Variants in RADIL observed in about 807,000 individuals in gnomAD.
RADIL encodes Rap associating with DIL domain, also known as ras-associating and dilute domain-containing protein.
RADIL carries 99 observed loss-of-function variants against 97.6 expected under a neutral mutation model. That is an observed-to-expected ratio of 1.01 (90% CI 0.86 to 1.20). The LOEUF (loss-of-function observed/expected upper bound fraction) is 1.20, where lower values mean the gene tolerates loss of function less well. RADIL is among the 50% of genes most tolerant of loss of function. The pLI, the probability that RADIL is intolerant of heterozygous loss-of-function variation, is 0.00. For synonymous variants in RADIL, 803 were observed against 691.8 expected, an observed-to-expected ratio of 1.16 and a Z score of -2.52; for missense variants, 1,765 against 1,498.9, an observed-to-expected ratio of 1.18 and a Z score of -2.93.
chr7:4,825,956 T>C (rs1388793067), intron 5 of RADIL, among the ~76,000 whole-genome samples: 1 of 147,268 alleles, frequency 6.8e-6, no homozygotes, highest in Non-Finnish European at 1.5e-5. Context: ...AAAGGTGCTC[T>C]TTGGGGCCAG....
At position 4,816,351 on chromosome 7, in the gene RADIL, C is replaced by T; in HGVS notation, c.1843G>A (p.Val615Met). 1.2e-6 allele frequency: 2 copies of T among 1,612,172 alleles called. No homozygotes were observed. The highest frequency in any genetic ancestry group is 1.1e-5 in the South Asian group (1 of 90,982). Residue 615 changes from valine to methionine, a missense_variant, in exon 8 of 15, where the codon GTG (valine) becomes ATG (methionine). Physicochemically the swap from Val to Met is conservative, Grantham distance 21 (BLOSUM62 1). Transcript: ENST00000399583. The stretch of plus-strand genomic sequence containing the variant: ...AGGAGGTCCAGGGCTGCCTGGTACA[C>T]AGACACCACGCGGCGCAGCTCCTCG... Reference protein sequence around the residue: ...LPEELRRVVSVYQAALDLLRQ... With the variant: ...LPEELRRVVSMYQAALDLLRQ...
rs1184839953 is a variant in RADIL, at chr7:4,821,672, A to G, written c.1615+722T>C. Reference sequence around the variant, plus strand: ...GGAGTTTGAGACCAGCCTGGCAAACATGGTGAAACCCCATCTCTACCAAAA... The same window carrying G: ...GGAGTTTGAGACCAGCCTGGCAAACGTGGTGAAACCCCATCTCTACCAAAA... On this transcript the variant is annotated intron_variant, in intron 6 of 14. Coordinates refer to ENST00000399583, the MANE Select transcript of RADIL (RefSeq NM_018059.5). The surrounding 1 kb of genome is among the most constrained non-coding windows in gnomAD (Gnocchi z 5.2). 6.6e-6 allele frequency among the ~76,000 whole-genome samples: 1 copy of G among 152,092 alleles called. No individual in the cohort carries two copies. Among genetic ancestry groups the G allele is most frequent in the Non-Finnish European group, 1.5e-5 (1 of 68,018 alleles).
In RADIL at chr7:4,854,770, G is replaced by GCATTTGTAACTTAGACTAATAA. The variant is rs1259899508; in HGVS notation, c.536-18187_536-18166dup. Among the ~76,000 whole-genome samples, 1 of 152,122 alleles carries GCATTTGTAACTTAGACTAATAA rather than the reference G, an allele frequency of 6.6e-6. No individual in the cohort carries two copies. The highest frequency in any genetic ancestry group is 1.5e-5 in the Non-Finnish European group (1 of 68,022). ...TTAATTATATTTCACACATATGAAA[G>GCATTTGTAACTTAGACTAATAA]CATTTGTAACTTAGACTAATAACAA... On this transcript the variant is annotated intron_variant, in intron 2 of 14. Transcript: ENST00000399583. The surrounding 1 kb of genome is among the most constrained non-coding windows in gnomAD (Gnocchi z 5.1).
At chr7:4,812,021 T>C (rs1782561853) in intron 9 of RADIL, among the ~76,000 whole-genome samples, 1 of 151,772 alleles carries the variant, frequency 6.6e-6, no homozygotes, top group Admixed American at 6.6e-5. Context: ...ACCACGGGCA[T>C]GCATCACCAT....
chr7:4,838,183 G>A, intron 2 of RADIL: 2 of 408,808 alleles, frequency 4.9e-6, no homozygotes, highest in Non-Finnish European at 6.6e-6. Context: ...CAGGCGGCAG[G>A]TGCCCAGCAG....
chr7:4,826,979 C>T (rs531934264), intron 5 of RADIL, among the ~76,000 whole-genome samples: 75 of 152,136 alleles, frequency 4.9e-4, no homozygotes, highest in South Asian at 1.2e-3. Context: ...GTTCCATGGA[C>T]GGGCATGGAA....
chr7:4,803,982 G>A lies in RADIL; in HGVS notation c.2291-228C>T, dbSNP rs1424542911. The A allele has an allele frequency of 1.4e-5, 9 of 622,544 alleles. 1 individual carries two copies. The highest frequency in any genetic ancestry group is 1.4e-4 in the South Asian group (8 of 58,050). The allele number at this position is 622,544 out of a possible 1,614,324, so 38.6% of individuals were successfully genotyped here. On this transcript the variant is annotated intron_variant, in intron 10 of 14. Coordinates refer to ENST00000399583, the MANE Select transcript of RADIL (RefSeq NM_018059.5). Reference sequence around the variant, plus strand: ...CCGGTGTGACATCCGAGCAGTTCAGGACTGAGAACAAGGCCTTGTAGCCAG... The same window carrying A: ...CCGGTGTGACATCCGAGCAGTTCAGAACTGAGAACAAGGCCTTGTAGCCAG...
intron 2 of RADIL, among the ~76,000 whole-genome samples, chr7:4,869,597 T>C (rs758351059): frequency 6.6e-6 from 1 of 152,100 alleles, no homozygotes; most frequent in Admixed American, 6.5e-5. Flanking sequence ...ACAAAATTCT[T>C]TCCCCAGGAT....
At chr7:4,811,479 C>CTTTTTTTT (rs35136302) in intron 9 of RADIL, among the ~76,000 whole-genome samples, 6 of 59,052 alleles carry the variant, frequency 1.0e-4, no homozygotes, top group Admixed American at 2.8e-4. Flanking sequence ...GGTATTATTT[C>CTTTTTTTT]TTTTTTTTTT....
At chr7:4,809,093 C>G (rs932154278) in intron 9 of RADIL, 2 of 984,276 alleles carry the variant, frequency 2.0e-6, no homozygotes, top group Non-Finnish European at 2.4e-6. Context: ...TGTAGACGCT[C>G]TGCTCAGGAT....
intron 2 of RADIL, among the ~76,000 whole-genome samples, chr7:4,866,616 G>C (rs565056290): frequency 1.8e-4 from 27 of 152,328 alleles, no homozygotes; most frequent in African/African-American, 6.5e-4. Flanking sequence ...GACAGCTACA[G>C]AGTTTCTATG....
At chr7:4,852,384 C>T (rs1041053331) in intron 2 of RADIL, among the ~76,000 whole-genome samples, 2 of 152,202 alleles carry the variant, frequency 1.3e-5, no homozygotes, top group South Asian at 2.1e-4. Flanking sequence ...ATTTGCCTCA[C>T]TAGAGTTCAA....
At chr7:4,853,499 T>C (rs1783756823) in intron 2 of RADIL, among the ~76,000 whole-genome samples, 1 of 152,032 alleles carries the variant, frequency 6.6e-6, no homozygotes, top group Admixed American at 6.6e-5. Context: ...TCCCAGCACT[T>C]TGGGAGGCCA....
At chr7:4,804,241 G>A (rs113370916) in intron 10 of RADIL, among the ~76,000 whole-genome samples, 17 of 152,344 alleles carry the variant, frequency 1.1e-4, no homozygotes, top group Admixed American at 3.3e-4. Flanking sequence ...GGAAGAGTGC[G>A]TGCATACTGA....
intron 5 of RADIL, among the ~76,000 whole-genome samples, chr7:4,823,719 C>T (rs553786518): frequency 1.3e-5 from 2 of 152,358 alleles, no homozygotes; most frequent in South Asian, 4.1e-4. Flanking sequence ...CTTTCTCCCA[C>T]ATCTCTGGCA....
chr7:4,815,495 G>A lies in RADIL; in HGVS notation c.1967-45C>T. 6.9e-7 allele frequency: 1 copy of A among 1,451,578 alleles called. No individual in the cohort carries two copies. Among genetic ancestry groups the A allele is most frequent in the Non-Finnish European group, 9.1e-7 (1 of 1,096,494 alleles). 89.9% of individuals were successfully genotyped at this position (1,451,578 alleles called of 1,614,324 possible). A position where few individuals can be genotyped will look rare whatever the true frequency, so the allele number is the denominator to read the frequency against. On this transcript the variant is annotated intron_variant, in intron 8 of 14. Transcript: ENST00000399583. This position sits in a 1 kb window ranked among gnomAD's most constrained non-coding sequence, Gnocchi z 8.0. ...GGGTGATGCCTGGGCTGCCCTCCTG[G>A]GGGGACACAGACATGGGCCTGTCCC...
In RADIL at chr7:4,834,201, G is replaced by A. The variant is rs970208053; in HGVS notation, c.1416+406C>T. On this transcript the variant is annotated intron_variant, in intron 4 of 14. Transcript: ENST00000399583. The surrounding 1 kb of genome is among the most constrained non-coding windows in gnomAD (Gnocchi z 6.0). ...AGCACAGGGCGCCGGCACACACAGG[G>A]GCTTCTGGGGCTCTTGGGCAGGGGC... 3.9e-5 allele frequency among the ~76,000 whole-genome samples: 6 copies of A among 152,200 alleles called. No homozygotes were observed. Among genetic ancestry groups the A allele is most frequent in the Non-Finnish European group, 7.3e-5 (5 of 68,036 alleles).
chr7:4,803,855 G>A (rs925281476), intron 10 of RADIL, 101 bp from the exon 11 acceptor site: 3 of 1,072,060 alleles, frequency 2.8e-6, no homozygotes, highest in Non-Finnish European at 4.2e-6. Flanking sequence ...CCAGCAGATT[G>A]AGCCCTGAGT....
rs1440603454 is a variant in RADIL at position 4,814,021 on chromosome 7, C to A, written c.2139+1257G>T. Among the ~76,000 whole-genome samples the A allele has an allele frequency of 1.3e-5, 2 of 152,120 alleles. No homozygotes were observed. Among genetic ancestry groups the A allele is most frequent in the Non-Finnish European group, 2.9e-5 (2 of 68,036 alleles). On this transcript the variant is annotated intron_variant, in intron 9 of 14. Transcript: ENST00000399583. The surrounding 1 kb of genome is among the most constrained non-coding windows in gnomAD (Gnocchi z 4.5). ...TCTCAAACCAATGGCCTCAAGTGAT[C>A]CTCCCACCTCAGCCTCTCAAAGCAC...
Sources: allele counts gnomAD v4.1 joint callset (sites outside exome capture counted in the v4.1 genomes callset), GRCh38; gene constraint gnomAD v4.1.1; non-coding constraint Gnocchi (gnomAD v3.1); transcripts MANE v1.5; gene names NCBI Gene and HGNC (gene_info 2026-07-23, HGNC 2026-07-21).